Variants in GPD1L observed in about 807,000 individuals in gnomAD.
The protein encoded by GPD1L is glycerol-3-phosphate dehydrogenase 1 like.
GPD1L carries 17 observed loss-of-function variants against 32.9 expected under a neutral mutation model. That is an observed-to-expected ratio of 0.52 (90% CI 0.35 to 0.78). The LOEUF (loss-of-function observed/expected upper bound fraction) is 0.78, where lower values mean the gene tolerates loss of function less well. Among genes scored for constraint, GPD1L ranks in the 30% least tolerant of loss-of-function variants. The pLI is 0.01. For missense variants in GPD1L, 361 were observed against 447.8 expected (o/e 0.81, Z 1.75); for synonymous variants, 187 against 165.9 (o/e 1.13, Z -0.98).
chr3:32,159,466 A>C (rs1343955564), intron 6 of GPD1L, 102 bp from the exon 7 acceptor site: 3 of 221,618 alleles, frequency 1.4e-5, no homozygotes, highest in Non-Finnish European at 2.6e-5. Flanking sequence ...CCCATTCTCT[A>C]AAAAAAAAAA....
chr3:32,109,782 C>T (rs1293986903), intron 1 of GPD1L, among the ~76,000 whole-genome samples: 5 of 152,244 alleles, frequency 3.3e-5, no homozygotes, highest in Non-Finnish European at 5.9e-5. Flanking sequence ...CACAGCTGGA[C>T]ACAGTCCCGG....
At chr3:32,136,343 A>G (rs1700659749) in intron 2 of GPD1L, among the ~76,000 whole-genome samples, 1 of 152,212 alleles carries the variant, frequency 6.6e-6, no homozygotes, top group Non-Finnish European at 1.5e-5. Context: ...GAAGACATCT[A>G]CTGGTTTCTT....
intron 2 of GPD1L, among the ~76,000 whole-genome samples, chr3:32,129,876 T>C (rs1017119112): frequency 6.6e-6 from 1 of 152,222 alleles, no homozygotes; most frequent in African/African-American, 2.4e-5. Context: ...TTCACTTTTC[T>C]CATTTTTATC....
At chr3:32,112,080 CT>C (rs1700260943) in intron 1 of GPD1L, among the ~76,000 whole-genome samples, 1 of 152,180 alleles carries the variant, frequency 6.6e-6, no homozygotes, top group South Asian at 2.1e-4. Flanking sequence ...TGGGAAGAGA[CT>C]TAGAGTTCCC....
chr3:32,160,521 T>C (rs1350403268), intron 7 of GPD1L, among the ~76,000 whole-genome samples: 2 of 51,608 alleles, frequency 3.9e-5, no homozygotes. Context: ...GATGGGTGAG[T>C]GGATGGGTGG....
intron 4 of GPD1L, among the ~76,000 whole-genome samples, chr3:32,142,009 A>G (rs1700750841): frequency 6.6e-6 from 1 of 151,900 alleles, no homozygotes; most frequent in South Asian, 2.1e-4. Context: ...TGGGTACCCA[A>G]TGTTTAGCCC....
intron 7 of GPD1L, among the ~76,000 whole-genome samples, chr3:32,160,626 G>A (rs1205065363): frequency 6.7e-6 from 1 of 149,816 alleles, no homozygotes; most frequent in Non-Finnish European, 1.5e-5. Flanking sequence ...AGATGGGTGA[G>A]TGGATGGGTG....
At chr3:32,127,137 C>A (rs993815780) in intron 1 of GPD1L, among the ~76,000 whole-genome samples, 1 of 152,182 alleles carries the variant, frequency 6.6e-6, no homozygotes, top group Non-Finnish European at 1.5e-5. Flanking sequence ...TTTGTTGTCA[C>A]CCCCTACTCC....
At position 32,106,812 on chromosome 3, in the gene GPD1L, C is replaced by T; in HGVS notation, c.47+54C>T. The T allele has an allele frequency of 6.6e-7, 1 of 1,517,084 alleles. No individual in the cohort carries two copies. Among genetic ancestry groups the T allele is most frequent in the Non-Finnish European group, 8.9e-7 (1 of 1,127,490 alleles). The allele number at this position is 1,517,084 out of a possible 1,614,324, so 94.0% of individuals were successfully genotyped here. A position where few individuals can be genotyped will look rare whatever the true frequency, so the allele number is the denominator to read the frequency against. On this transcript the variant is annotated intron_variant, in intron 1 of 7. Transcript: ENST00000282541. This position sits in a 1 kb window ranked among gnomAD's most constrained non-coding sequence, Gnocchi z 4.0. ...CTCCGCTTCCAGGAAGCGCCTCTCC[C>T]GGGCGGTGAGGGCTGCGCGCCCCAT...
chr3:32,121,491 ATATATATTTCTCTC>A (rs1559570432), intron 1 of GPD1L, among the ~76,000 whole-genome samples: 14 of 125,132 alleles, frequency 1.1e-4, no homozygotes, highest in Non-Finnish European at 1.5e-4. Context: ...ATTTCTCTCT[ATATATATTTCTCTC>A]TATATATATT....
chr3:32,133,313 A>G (rs61113700), intron 2 of GPD1L, among the ~76,000 whole-genome samples: 3,807 of 152,284 alleles, frequency 0.025, 149 homozygotes, highest in African/African-American at 0.084. Flanking sequence ...CAGCCTTGGT[A>G]TCTTTTATTT....
chr3:32,146,717 C>T lies in GPD1L; in HGVS notation c.601C>T (p.Leu201Phe), dbSNP rs780477714. The T allele has an allele frequency of 1.2e-6, 2 of 1,605,952 alleles. No homozygotes were observed. The highest frequency in any genetic ancestry group is 1.7e-6 in the Non-Finnish European group (2 of 1,172,620). Residue 201 changes from leucine (L) to phenylalanine (F), a missense_variant, in exon 5 of 8, where the codon CTC becomes TTC. Physicochemically the swap from Leu to Phe is conservative, Grantham distance 22. Transcript: ENST00000282541. ...GGTTGATGATGCAGACACTGTTGAA[C>T]TCTGTGGTGCGCTTAAGGTAAAGTC... ...TVVDDADTVELCGALKNIVAV... is the reference protein window; with the variant it reads ...TVVDDADTVEFCGALKNIVAV...
intron 5 of GPD1L, among the ~76,000 whole-genome samples, chr3:32,148,381 G>T (rs973675430): frequency 6.6e-6 from 1 of 152,158 alleles, no homozygotes; most frequent in African/African-American, 2.4e-5. Context: ...ACTGTAAGTG[G>T]ATGTGCCAGC....
intron 2 of GPD1L, among the ~76,000 whole-genome samples, chr3:32,134,517 C>T (rs1700634159): frequency 6.6e-6 from 1 of 152,216 alleles, no homozygotes; most frequent in African/African-American, 2.4e-5. Context: ...GACAGGGCCT[C>T]ACTCTGTCCC....
chr3:32,112,558 G>T (rs988552472), intron 1 of GPD1L, among the ~76,000 whole-genome samples: 14 of 152,104 alleles, frequency 9.2e-5, no homozygotes, highest in Admixed American at 5.9e-4. Context: ...AATCACTTGA[G>T]CCCAGGAGGC....
At chr3:32,130,524 G>A (rs1317555110) in intron 2 of GPD1L, among the ~76,000 whole-genome samples, 5 of 152,186 alleles carry the variant, frequency 3.3e-5, no homozygotes, top group Admixed American at 2.6e-4. Flanking sequence ...TGCTGCCAAC[G>A]TGACCCTTCC....
rs182352981 is a variant in GPD1L at position 32,109,988 on chromosome 3, G to C, written c.47+3230G>C. On this transcript the variant is annotated intron_variant, in intron 1 of 7. Coordinates refer to ENST00000282541, the MANE Select transcript of GPD1L (RefSeq NM_015141.4). ...GCTAGAGTGCAGTGGCGCAATCTCA[G>C]CTCACCGCAAGCTTCGCCTCGCGGG... 5.6e-3 allele frequency among the ~76,000 whole-genome samples: 858 copies of C among 152,388 alleles called. 9 individuals are homozygous for C. Among genetic ancestry groups the C allele is most frequent in the African/African-American group, 0.02 (818 of 41,596 alleles).
chr3:32,133,807 G>A (rs1294591256), intron 2 of GPD1L, among the ~76,000 whole-genome samples: 1 of 152,226 alleles, frequency 6.6e-6, no homozygotes, highest in Admixed American at 6.5e-5. Context: ...AGCTCATTGA[G>A]CACACACTGT....
In GPD1L at chr3:32,128,073, T is replaced by C. The variant is rs767828444; in HGVS notation, c.48-3T>C. 2.5e-6 allele frequency: 4 copies of C among 1,605,026 alleles called. No homozygotes were observed. In the South Asian group the frequency reaches 3.3e-5, roughly 13 times the overall value. ...TTTTTCTTTTCCACGATTTCTTTTG[T>C]AGGGGTTCAGCTGTTGCAAAAATAA... is the stretch of plus-strand genomic sequence containing the variant. On this transcript the variant is annotated splice_polypyrimidine_tract_variant and splice_region_variant and intron_variant, in intron 1 of 7. Coordinates refer to ENST00000282541, the MANE Select transcript of GPD1L (RefSeq NM_015141.4).
Sources: gnomAD v4.1 joint callset for allele counts (sites outside exome capture counted in the v4.1 genomes callset) on GRCh38, gnomAD v4.1.1 for gene constraint, Gnocchi (gnomAD v3.1) non-coding constraint, MANE v1.5 for transcripts, NCBI Gene and HGNC (gene_info 2026-07-23, HGNC 2026-07-21) for gene names.